The following TANC1 variants were observed in gnomAD, a reference collection of about 807,000 sequenced individuals.
TANC1 encodes protein TANC1.
In TANC1, 77 loss-of-function variants were observed where a neutral mutation model predicts 149.7. The observed-to-expected ratio is 0.51, with a 90% CI of 0.43 to 0.62. The LOEUF is 0.62. Among genes scored for constraint, TANC1 ranks in the 20% least tolerant of loss-of-function variants. TANC1 has a pLI of 0.00. For missense variants in TANC1, 1,985 were observed against 2,321.8 expected (o/e 0.85, Z 2.98); for synonymous variants, 854 against 925.0 (o/e 0.92, Z 1.39).
intron 14 of TANC1, among the ~76,000 whole-genome samples, chr2:159,183,806 C>T (rs138148716): frequency 1.3e-5 from 2 of 151,994 alleles, no homozygotes; most frequent in Non-Finnish European, 2.9e-5. Flanking sequence ...GAGGAGGGAC[C>T]GGGGCCTGAG....
intron 1 of TANC1, among the ~76,000 whole-genome samples, chr2:158,981,491 T>TA (rs1479047653): frequency 5.8e-5 from 2 of 34,344 alleles, no homozygotes; most frequent in Non-Finnish European, 1.3e-4. Flanking sequence ...TATATAGCTT[T>TA]TATATATATA....
chr2:159,062,421 C>A (rs890756953), intron 2 of TANC1, among the ~76,000 whole-genome samples: 1 of 152,164 alleles, frequency 6.6e-6, no homozygotes, highest in East Asian at 1.9e-4. Context: ...TGGTTTGCAT[C>A]ATTTCTATTT....
At chr2:159,172,741 C>T (rs1334397568) in intron 11 of TANC1, among the ~76,000 whole-genome samples, 1 of 152,224 alleles carries the variant, frequency 6.6e-6, no homozygotes, top group Non-Finnish European at 1.5e-5. Context: ...AATTTGTGAT[C>T]ATCAAGGTCT....
intron 4 of TANC1, among the ~76,000 whole-genome samples, chr2:159,131,637 C>T (rs993810690): frequency 2.0e-5 from 3 of 152,044 alleles, no homozygotes; most frequent in African/African-American, 7.2e-5. Flanking sequence ...TTCTCCTTTC[C>T]CCACTGGTCT....
At chr2:159,003,932 A>G in intron 2 of TANC1, 5 of 1,612,912 alleles carry the variant, frequency 3.1e-6, no homozygotes, top group Non-Finnish European at 4.2e-6. Flanking sequence ...GGTGGTACAT[A>G]GAACAGCCAC....
rs1317193201 is a variant in TANC1 at position 159,185,787 on chromosome 2, C to G, written c.2511-4C>G. 6.2e-7 allele frequency: 1 copy of G among 1,611,682 alleles called. No individual in the cohort carries two copies. Among genetic ancestry groups the G allele is most frequent in the African/African-American group, 1.3e-5 (1 of 74,864 alleles). On this transcript the variant is annotated splice_polypyrimidine_tract_variant and splice_region_variant and intron_variant, in intron 14 of 26. Coordinates refer to ENST00000263635, the MANE Select transcript of TANC1 (RefSeq NM_033394.3). ...GCTGTGAGCCTTTGTATTCCTTCCC[C>G]TAGGAACGGGCACGCGCTCTTGGCA...
chr2:159,054,416 A>G (rs2041698162), intron 2 of TANC1, among the ~76,000 whole-genome samples: 1 of 152,154 alleles, frequency 6.6e-6, no homozygotes. Context: ...GGTGATTCTA[A>G]TCACCCTGCG....
intron 2 of TANC1, among the ~76,000 whole-genome samples, chr2:159,017,188 A>C (rs962205173): frequency 6.6e-6 from 1 of 152,172 alleles, no homozygotes; most frequent in African/African-American, 2.4e-5. Flanking sequence ...TTGAGGGTTT[A>C]TTATATGGGA....
At chr2:159,112,897 A>T (rs1455888364) in intron 4 of TANC1, among the ~76,000 whole-genome samples, 4 of 150,274 alleles carry the variant, frequency 2.7e-5, no homozygotes, top group Non-Finnish European at 5.9e-5. Context: ...TTTTTTTTTT[A>T]AGGTTGTGAA....
chr2:159,056,906 G>A (rs924109569), intron 2 of TANC1: 4 of 248,768 alleles, frequency 1.6e-5, no homozygotes, highest in African/African-American at 2.2e-5. Flanking sequence ...GGACATATCC[G>A]TGAACTACAG....
At chr2:159,093,377 GT>G (rs1371170896) in intron 3 of TANC1, among the ~76,000 whole-genome samples, 2 of 152,212 alleles carry the variant, frequency 1.3e-5, no homozygotes, top group African/African-American at 4.8e-5. Context: ...GCTGAGGAAT[GT>G]TACATCTACT....
intron 2 of TANC1, among the ~76,000 whole-genome samples, chr2:159,034,940 AG>A (rs1252229301): frequency 1.3e-5 from 2 of 152,214 alleles, no homozygotes; most frequent in Non-Finnish European, 2.9e-5. Context: ...TAGTCAAAGC[AG>A]TGTTCAATGC....
At chr2:159,114,416 AT>A (rs2048037137) in intron 4 of TANC1, among the ~76,000 whole-genome samples, 1 of 152,114 alleles carries the variant, frequency 6.6e-6, no homozygotes, top group Non-Finnish European at 1.5e-5. Flanking sequence ...TGTACAGTTA[AT>A]TTTTTCTTAT....
chr2:159,098,366 A>G (rs1248862476), intron 4 of TANC1, among the ~76,000 whole-genome samples: 2 of 152,220 alleles, frequency 1.3e-5, no homozygotes, highest in African/African-American at 4.8e-5. Flanking sequence ...ATAGTAGGCT[A>G]TGCCACCTTG....
intron 5 of TANC1, among the ~76,000 whole-genome samples, chr2:159,139,992 G>A (rs1035333381): frequency 2.0e-5 from 3 of 152,250 alleles, no homozygotes; most frequent in Non-Finnish European, 2.9e-5. Flanking sequence ...GGAGGCCAAG[G>A]CAGGAGAATT....
At chr2:158,980,076 T>C (rs1401820974) in intron 1 of TANC1, among the ~76,000 whole-genome samples, 1 of 152,188 alleles carries the variant, frequency 6.6e-6, no homozygotes, top group Non-Finnish European at 1.5e-5. Flanking sequence ...TGGGGGAAAC[T>C]GAGTCTTAGG....
intron 4 of TANC1, among the ~76,000 whole-genome samples, chr2:159,135,754 G>C (rs997536129): frequency 2.0e-5 from 3 of 152,222 alleles, no homozygotes; most frequent in Non-Finnish European, 4.4e-5. Flanking sequence ...TGACTTTAGA[G>C]ATACCAAGCT....
At chr2:159,119,767 T>G (rs2048659943) in intron 4 of TANC1, among the ~76,000 whole-genome samples, 1 of 152,194 alleles carries the variant, frequency 6.6e-6, no homozygotes, top group African/African-American at 2.4e-5. Flanking sequence ...CTCTCACTGA[T>G]GTCACAGGTT....
chr2:159,115,979 T>G (rs2150054912), intron 4 of TANC1, among the ~76,000 whole-genome samples: 1 of 152,274 alleles, frequency 6.6e-6, no homozygotes, highest in East Asian at 1.9e-4. Context: ...ATCTTGAACT[T>G]TGAGTGCTCC....
Sources: gnomAD v4.1 joint callset for allele counts (sites outside exome capture counted in the v4.1 genomes callset) on GRCh38, gnomAD v4.1.1 for gene constraint, MANE v1.5 for transcripts, NCBI Gene and HGNC (gene_info 2026-07-23, HGNC 2026-07-21) for gene names.